The following ZSCAN30 variants were observed in gnomAD, a reference collection of about 807,000 sequenced individuals.
ZSCAN30 encodes zinc finger and SCAN domain containing 30.
Under a neutral mutation model 44.3 loss-of-function variants are expected in ZSCAN30, and 37 were observed. The observed-to-expected ratio is 0.84, with a 90% CI of 0.64 to 1.10. ZSCAN30 has a LOEUF of 1.10. Ranked by LOEUF, ZSCAN30 falls within the 50% of genes least tolerant of loss-of-function variation. The pLI, the probability that ZSCAN30 is intolerant of heterozygous loss-of-function variation, is 0.00. For missense variants in ZSCAN30, 549 were observed against 582.6 expected, an observed-to-expected ratio of 0.94 and a Z score of 0.59; for synonymous variants, 181 against 204.6, an observed-to-expected ratio of 0.88 and a Z score of 0.98.
At position 35,251,301 on chromosome 18, in the gene ZSCAN30, T is replaced by TA. The variant is rs542590899; in HGVS notation, c.*2148dup. ...TCTCATTTTCTGTATTACCAACACT[T>TA]ACAATTCACAATCAGGAGAAAAACC... On this transcript the variant is annotated 3_prime_UTR_variant, in exon 4 of 4. Transcript: ENST00000333206. 8 of 152,272 alleles carry TA rather than the reference T, an allele frequency of 5.3e-5. No homozygotes were observed. The highest frequency in any genetic ancestry group is 2.1e-4 in the South Asian group (1 of 4,824). The allele number at this position is 152,272 out of a possible 1,614,324, so 9.4% of individuals were successfully genotyped here.
intron 1 of ZSCAN30, among the ~76,000 whole-genome samples, chr18:35,279,700 T>C (rs1395815039): frequency 1.3e-5 from 2 of 152,206 alleles, no homozygotes; most frequent in African/African-American, 2.4e-5. Context: ...CAGAAAGCCT[T>C]GGAGCACTCC....
chr18:35,284,313 G>A (rs2143780707), intron 1 of ZSCAN30: 1 of 152,960 alleles, frequency 6.5e-6, no homozygotes, highest in East Asian at 1.9e-4. Context: ...CAGTCAGGGG[G>A]ACTGGTGGCC....
At chr18:35,271,303 G>C (rs1484845648) in intron 1 of ZSCAN30, among the ~76,000 whole-genome samples, 2 of 152,068 alleles carry the variant, frequency 1.3e-5, no homozygotes, top group Non-Finnish European at 2.9e-5. Context: ...ATTTTGACAG[G>C]GTGCTGATTG....
At chr18:35,256,290 G>T (rs1319547508) in intron 3 of ZSCAN30, 1 of 152,166 alleles carries the variant, frequency 6.6e-6, no homozygotes, top group African/African-American at 2.4e-5. Flanking sequence ...GGGCACGGTG[G>T]CTCACACCTG....
At chr18:35,277,525 G>A (rs28783980) in intron 1 of ZSCAN30, among the ~76,000 whole-genome samples, 4,740 of 152,190 alleles carry the variant, frequency 0.031, 174 homozygotes, top group African/African-American at 0.083. Flanking sequence ...AGATTTGATG[G>A]TTTTATAAGG....
chr18:35,262,377 G>T (rs1212249078), intron 3 of ZSCAN30: 3 of 152,168 alleles, frequency 2.0e-5, no homozygotes, highest in African/African-American at 7.2e-5. Flanking sequence ...CATAATCAAA[G>T]TCCTTTCAGT....
At chr18:35,270,813 C>T (rs939744577) in intron 1 of ZSCAN30, among the ~76,000 whole-genome samples, 8 of 152,214 alleles carry the variant, frequency 5.3e-5, no homozygotes, top group Non-Finnish European at 1.2e-4. Flanking sequence ...TGAGTGTTAA[C>T]AGTTCTTAAA....
rs753087964 is a variant in ZSCAN30 at position 35,254,398 on chromosome 18, AAAGTGT to A, written c.554-23_554-18del. 11 of 1,613,998 alleles carry A rather than the reference AAAGTGT, an allele frequency of 6.8e-6. No homozygotes were observed. The highest frequency in any genetic ancestry group is 1.1e-5 in the South Asian group (1 of 91,076). ...TCCTGCCATCTAAAAATGTGAATAG[AAAGTGT>A]AAGTATCATTTACTTCCCATGACAG... is the stretch of plus-strand genomic sequence containing the variant. On this transcript the variant is annotated intron_variant, in intron 3 of 3. Coordinates refer to ENST00000333206, the MANE Select transcript of ZSCAN30 (RefSeq NM_001112734.4).
rs1355457356 is a variant in ZSCAN30 at position 35,252,221 on chromosome 18, C to G, written c.*1229G>C. On this transcript the variant is annotated 3_prime_UTR_variant, in exon 4 of 4. Coordinates refer to ENST00000333206, the MANE Select transcript of ZSCAN30 (RefSeq NM_001112734.4). ...ATGACCTGTGAGACTCTGAAGTACT[C>G]AGAATTAGTGTGGTGAGAGACTGGT... The G allele has an allele frequency of 1.3e-5, 2 of 152,102 alleles. No individual in the cohort carries two copies. The highest frequency in any genetic ancestry group is 4.8e-5 in the African/African-American group (2 of 41,388). 9.4% of individuals were successfully genotyped at this position (152,102 alleles called of 1,614,324 possible).
chr18:35,257,872 C>T (rs1007424022), intron 3 of ZSCAN30: 60 of 780,780 alleles, frequency 7.7e-5, no homozygotes, highest in Admixed American at 7.3e-4. Flanking sequence ...TAACTGAGAC[C>T]ACATCATTGC....
At chr18:35,268,640 A>G (rs2044212130) in intron 1 of ZSCAN30, 1 of 152,348 alleles carries the variant, frequency 6.6e-6, no homozygotes, top group South Asian at 2.1e-4. Flanking sequence ...AACTAAGCTG[A>G]TGGTGGAATT....
chr18:35,270,973 T>G (rs2044259889), intron 1 of ZSCAN30, among the ~76,000 whole-genome samples: 1 of 152,074 alleles, frequency 6.6e-6, no homozygotes, highest in African/African-American at 2.4e-5. Flanking sequence ...GCATCTGGAG[T>G]TTGTTCCTTC....
intron 1 of ZSCAN30, among the ~76,000 whole-genome samples, chr18:35,264,998 T>C (rs1351484995): frequency 2.0e-5 from 3 of 151,922 alleles, no homozygotes; most frequent in African/African-American, 7.3e-5. Flanking sequence ...TACAAAAAAT[T>C]AGCCGGGCGT....
chr18:35,267,647 CG>C (rs932732657), intron 1 of ZSCAN30: 4 of 152,048 alleles, frequency 2.6e-5, no homozygotes, highest in Non-Finnish European at 5.9e-5. Flanking sequence ...TCAGACCTGG[CG>C]GGGGCATCGC....
Position 35,263,932 on chromosome 18 carries a change from G to A in ZSCAN30, c.408+13C>T. On this transcript the variant is annotated intron_variant, in intron 2 of 3. Transcript: ENST00000333206. ...TACAATAGATCAAACAAACAAAAAT[G>A]TTTACTTCTTACCTGTTGCCTTGGC... 6.2e-7 allele frequency: 1 copy of A among 1,608,628 alleles called. No homozygotes were observed. The highest frequency in any genetic ancestry group is 8.5e-7 in the Non-Finnish European group (1 of 1,176,794).
chr18:35,266,991 A>C (rs2044167342), intron 1 of ZSCAN30: 1 of 151,882 alleles, frequency 6.6e-6, no homozygotes, highest in Non-Finnish European at 1.5e-5. Context: ...AGTGTAAAAT[A>C]CTAGAGACCA....
At chr18:35,271,655 C>G (rs1013685196) in intron 1 of ZSCAN30, among the ~76,000 whole-genome samples, 3 of 152,250 alleles carry the variant, frequency 2.0e-5, no homozygotes, top group African/African-American at 7.2e-5. Context: ...CGTGCCTGCA[C>G]TCCTCAGCCC....
rs184031535 is a variant in ZSCAN30 at position 35,263,038 on chromosome 18, C to T, written c.553+475G>A. On this transcript the variant is annotated intron_variant, in intron 3 of 3. Transcript: ENST00000333206. The stretch of plus-strand genomic sequence containing the variant: ...CATCTCCATCTTAGGGACTGTCTTG[C>T]CAATGAAGCCAAAATTAAATAACAG... 5.2e-4 allele frequency: 98 copies of T among 188,654 alleles called. 1 individual carries two copies. In the Middle Eastern group the frequency reaches 7.4e-3, roughly 14 times the overall value. 11.7% of individuals were successfully genotyped at this position (188,654 alleles called of 1,614,324 possible).
intron 2 of ZSCAN30, 97 bp downstream of exon 2, chr18:35,263,848 T>C (rs916356965): frequency 2.0e-6 from 3 of 1,479,608 alleles, no homozygotes; most frequent in Non-Finnish European, 2.7e-6. Context: ...AAAGAAACTG[T>C]ATAATTCTCT....
Sources: gnomAD v4.1 joint callset for allele counts (sites outside exome capture counted in the v4.1 genomes callset) on GRCh38, gnomAD v4.1.1 for gene constraint, MANE v1.5 for transcripts, NCBI Gene and HGNC (gene_info 2026-07-23, HGNC 2026-07-21) for gene names.